Variants in PDE4B observed in about 807,000 individuals in gnomAD.
PDE4B encodes 3',5'-cyclic-AMP phosphodiesterase 4B.
In PDE4B, 20 loss-of-function variants were observed where a neutral mutation model predicts 82.2. The observed-to-expected ratio is 0.24, with a 90% CI of 0.17 to 0.35. PDE4B has a LOEUF of 0.35. PDE4B is among the 10% of genes least tolerant of loss of function. The pLI, the probability that PDE4B is intolerant of heterozygous loss-of-function variation, is 1.00. For synonymous variants in PDE4B, 320 were observed against 318.9 expected (o/e 1.00, Z -0.04); for missense variants, 655 against 907.2 (o/e 0.72, Z 3.57).
chr1:66,360,990 A>G (rs1386442016), intron 9 of PDE4B, among the ~76,000 whole-genome samples: 1 of 152,230 alleles, frequency 6.6e-6, no homozygotes, highest in Non-Finnish European at 1.5e-5. Flanking sequence ...CCAAAATTAT[A>G]GTCTTCCTCT....
intron 3 of PDE4B, among the ~76,000 whole-genome samples, chr1:66,164,820 G>A (rs1396460726): frequency 1.4e-5 from 2 of 143,478 alleles, no homozygotes; most frequent in East Asian, 2.1e-4. Flanking sequence ...GCAGTGGCGC[G>A]CAATCTCAGC....
At chr1:66,185,965 T>C (rs1647197334) in intron 3 of PDE4B, among the ~76,000 whole-genome samples, 1 of 152,228 alleles carries the variant, frequency 6.6e-6, no homozygotes, top group African/African-American at 2.4e-5. Flanking sequence ...TTTTATGGTT[T>C]TAGGTCTAAC....
At chr1:66,040,952 T>C (rs1032274147) in intron 3 of PDE4B, among the ~76,000 whole-genome samples, 29 of 151,958 alleles carry the variant, frequency 1.9e-4, no homozygotes, top group African/African-American at 6.3e-4. Flanking sequence ...ATGGGACTGA[T>C]CTTAGCTTAG....
rs750874074 is a variant in PDE4B at position 66,092,673 on chromosome 1, T to A, written c.282-154787T>A. Among the ~76,000 whole-genome samples the A allele has an allele frequency of 4.7e-4, 71 of 152,180 alleles. No homozygotes were observed. The Middle Eastern group carries it at 0.014, about 29-fold the overall frequency. Reference sequence around the variant, plus strand: ...ACGAGTTTAACAAAGAAACCTCTTCTGATCTGGGGGTAGAGTGTCCAGGGA... The same window carrying A: ...ACGAGTTTAACAAAGAAACCTCTTCAGATCTGGGGGTAGAGTGTCCAGGGA... On this transcript the variant is annotated intron_variant, in intron 3 of 16. Coordinates refer to ENST00000341517, the MANE Select transcript of PDE4B (RefSeq NM_002600.4).
chr1:65,996,349 C>A (rs1651541507), intron 3 of PDE4B, among the ~76,000 whole-genome samples: 1 of 151,274 alleles, frequency 6.6e-6, no homozygotes, highest in South Asian at 2.1e-4. Flanking sequence ...TATATATAAT[C>A]TTTTTTCCCC....
At chr1:65,802,014 G>A (rs1287566619) in intron 1 of PDE4B, among the ~76,000 whole-genome samples, 3 of 152,168 alleles carry the variant, frequency 2.0e-5, no homozygotes, top group African/African-American at 7.2e-5. Context: ...GGATTTGTCT[G>A]ACTTAGTGCA....
At chr1:66,310,699 C>T (rs2101865081) in intron 7 of PDE4B, among the ~76,000 whole-genome samples, 1 of 152,152 alleles carries the variant, frequency 6.6e-6, no homozygotes, top group East Asian at 1.9e-4. Context: ...TTCCACTGCC[C>T]CCACTGTACA....
intron 3 of PDE4B, among the ~76,000 whole-genome samples, chr1:65,997,127 G>A (rs1460004345): frequency 6.6e-6 from 1 of 151,848 alleles, no homozygotes; most frequent in Non-Finnish European, 1.5e-5. Context: ...AATATATCCT[G>A]GGCCCACTGC....
chr1:65,928,649 T>A (rs564757977), intron 3 of PDE4B, among the ~76,000 whole-genome samples: 1 of 152,190 alleles, frequency 6.6e-6, no homozygotes, highest in East Asian at 1.9e-4. Flanking sequence ...CCCTCGCAAA[T>A]CTATTTTGCA....
At chr1:66,077,767 T>G (rs1361245282) in intron 3 of PDE4B, among the ~76,000 whole-genome samples, 1 of 152,160 alleles carries the variant, frequency 6.6e-6, no homozygotes, top group Non-Finnish European at 1.5e-5. Context: ...ATAAATAGAC[T>G]TCCCGATTCA....
intron 3 of PDE4B, among the ~76,000 whole-genome samples, chr1:66,212,868 A>G (rs566539): frequency 0.96 from 146,803 of 152,270 alleles, 70,998 homozygotes; most frequent in East Asian, 1. Context: ...CAATACAGCA[A>G]CGAGACCTCT....
intron 3 of PDE4B, among the ~76,000 whole-genome samples, chr1:66,006,721 C>G (rs1254275285): frequency 6.6e-6 from 1 of 152,076 alleles, no homozygotes; most frequent in Non-Finnish European, 1.5e-5. Flanking sequence ...GAGTTCTCAA[C>G]AGATCTGATG....
intron 3 of PDE4B, among the ~76,000 whole-genome samples, chr1:66,199,975 T>C (rs1461695955): frequency 6.6e-6 from 1 of 152,156 alleles, no homozygotes; most frequent in African/African-American, 2.4e-5. Context: ...TTTTATGGTT[T>C]TAGGTCTAAC....
intron 3 of PDE4B, among the ~76,000 whole-genome samples, chr1:66,188,016 G>C (rs12129665): frequency 0.87 from 119,965 of 137,632 alleles, 54,149 homozygotes; most frequent in Non-Finnish European, 0.97. Context: ...ATGTGTCCCA[G>C]AGATTCTGGT....
intron 8 of PDE4B, among the ~76,000 whole-genome samples, chr1:66,339,597 G>A (rs963090558): frequency 2.0e-5 from 3 of 152,192 alleles, no homozygotes; most frequent in African/African-American, 7.2e-5. Flanking sequence ...TTTACCTCTG[G>A]CTACCTGATA....
At chr1:66,329,056 G>C (rs1659927476) in intron 7 of PDE4B, among the ~76,000 whole-genome samples, 1 of 152,210 alleles carries the variant, frequency 6.6e-6, no homozygotes, top group Non-Finnish European at 1.5e-5. Flanking sequence ...GCCTGGTGGG[G>C]ACACAGCTTG....
At chr1:66,084,031 T>C (rs867514437) in intron 3 of PDE4B, among the ~76,000 whole-genome samples, 5 of 152,170 alleles carry the variant, frequency 3.3e-5, no homozygotes, top group African/African-American at 1.2e-4. Context: ...TTTGTCATCC[T>C]CAGCCATTGA....
chr1:65,970,390 A>T (rs1650067073), intron 3 of PDE4B, among the ~76,000 whole-genome samples: 1 of 152,086 alleles, frequency 6.6e-6, no homozygotes, highest in South Asian at 2.1e-4. Context: ...AGAATGATAC[A>T]TGTATTTGGA....
chr1:66,158,433 TCAGG>T (rs1646544420), intron 3 of PDE4B, among the ~76,000 whole-genome samples: 1 of 152,228 alleles, frequency 6.6e-6, no homozygotes, highest in South Asian at 2.1e-4. Context: ...TCACTAATTG[TCAGG>T]GAAATGCAAA....
Sources: gnomAD v4.1 joint callset for allele counts (sites outside exome capture counted in the v4.1 genomes callset) on GRCh38, gnomAD v4.1.1 for gene constraint, MANE v1.5 for transcripts, NCBI Gene and HGNC (gene_info 2026-07-23, HGNC 2026-07-21) for gene names.